The following CNTNAP2 variants were observed in gnomAD, a reference collection of about 807,000 sequenced individuals.
CNTNAP2 encodes contactin associated protein 2, also known as contactin-associated protein-like 2.
Under a neutral mutation model 155.2 loss-of-function variants are expected in CNTNAP2, and 98 were observed. That is an observed-to-expected ratio of 0.63 (90% CI 0.54 to 0.75). The LOEUF (loss-of-function observed/expected upper bound fraction) is 0.75, where lower values mean the gene tolerates loss of function less well. CNTNAP2 is among the 30% of genes least tolerant of loss of function. The pLI is 0.00. For missense variants in CNTNAP2, 1,727 were observed against 1,688.1 expected (o/e 1.02, Z -0.40); for synonymous variants, 651 against 631.2 (o/e 1.03, Z -0.47).
At chr7:147,769,374 G>A (rs1198953683) in intron 13 of CNTNAP2, among the ~76,000 whole-genome samples, 1 of 151,988 alleles carries the variant, frequency 6.6e-6, no homozygotes, top group Non-Finnish European at 1.5e-5. Context: ...AAGGTGTCTG[G>A]AATAACTTTC....
At chr7:146,303,064 TTGTGTGCATG>T (rs958454327) in intron 1 of CNTNAP2, among the ~76,000 whole-genome samples, 1 of 138,830 alleles carries the variant, frequency 7.2e-6, no homozygotes, top group South Asian at 2.2e-4. Flanking sequence ...AGGTACACCT[TTGTGTGCATG>T]TGTGTGTGTG....
chr7:146,940,967 T>C (rs1208592543), intron 3 of CNTNAP2, among the ~76,000 whole-genome samples: 1 of 152,138 alleles, frequency 6.6e-6, no homozygotes, highest in Non-Finnish European at 1.5e-5. Flanking sequence ...TCTGGTTTAA[T>C]TCTAGCTATT....
intron 12 of CNTNAP2, among the ~76,000 whole-genome samples, chr7:147,579,325 T>C (rs957706503): frequency 2.0e-5 from 3 of 152,194 alleles, no homozygotes; most frequent in Admixed American, 6.6e-5. Flanking sequence ...GTTAATGTAT[T>C]TACTTAACCA....
chr7:146,268,403 C>A (rs1800028145), intron 1 of CNTNAP2, among the ~76,000 whole-genome samples: 1 of 152,106 alleles, frequency 6.6e-6, no homozygotes, highest in Non-Finnish European at 1.5e-5. Flanking sequence ...GTTAACTAAC[C>A]AATTGGAGGT....
intron 1 of CNTNAP2, among the ~76,000 whole-genome samples, chr7:146,626,016 A>C (rs1303316421): frequency 6.6e-6 from 1 of 152,072 alleles, no homozygotes; most frequent in African/African-American, 2.4e-5. Context: ...ATCATTTCTC[A>C]TTTCTTCTGA....
At chr7:146,775,685 AAG>A (rs1330469244) in intron 2 of CNTNAP2, among the ~76,000 whole-genome samples, 9 of 151,772 alleles carry the variant, frequency 5.9e-5, no homozygotes, top group African/African-American at 2.2e-4. Context: ...GAAGAAAATA[AAG>A]AGAGGGAGAA....
At chr7:147,375,577 T>C (rs2116921980) in intron 9 of CNTNAP2, among the ~76,000 whole-genome samples, 2 of 152,130 alleles carry the variant, frequency 1.3e-5, no homozygotes, top group Middle Eastern at 6.8e-3. Flanking sequence ...CCAAGTTTTA[T>C]CTTCTATACC....
At chr7:147,551,584 C>T (rs963511452) in intron 11 of CNTNAP2, among the ~76,000 whole-genome samples, 11 of 152,188 alleles carry the variant, frequency 7.2e-5, no homozygotes, top group Admixed American at 4.6e-4. Context: ...AACAAGCCTA[C>T]ATTTATATAA....
At chr7:147,117,763 C>T (rs1287941643) in intron 5 of CNTNAP2, among the ~76,000 whole-genome samples, 3 of 152,104 alleles carry the variant, frequency 2.0e-5, no homozygotes, top group Non-Finnish European at 4.4e-5. Context: ...TGCAACTTCA[C>T]TTAGGCTATT....
rs572723023 is a variant in CNTNAP2 at position 146,695,192 on chromosome 7, T to C, written c.98-79079T>C. ...AGGGGGAAAGCATCCAGTTTCACAC[T>C]GTTTGCTATGATATTAACTACAAAA... is the stretch of plus-strand genomic sequence containing the variant. On this transcript the variant is annotated intron_variant, in intron 1 of 23. Transcript: ENST00000361727. 2.6e-5 allele frequency among the ~76,000 whole-genome samples: 4 copies of C among 152,290 alleles called. No individual in the cohort carries two copies. In the East Asian group the frequency reaches 7.7e-4, roughly 29 times the overall value.
At chr7:147,852,595 A>G (rs1340466009) in intron 13 of CNTNAP2, among the ~76,000 whole-genome samples, 1 of 152,162 alleles carries the variant, frequency 6.6e-6, no homozygotes, top group East Asian at 1.9e-4. Context: ...CATTTTTTGC[A>G]TTTTCTAGTT....
At chr7:148,257,884 A>T (rs4726938) in intron 20 of CNTNAP2, among the ~76,000 whole-genome samples, 6 of 151,878 alleles carry the variant, frequency 4.0e-5, no homozygotes, top group Non-Finnish European at 8.8e-5. Flanking sequence ...TACAAACAGA[A>T]GTTCTAATGG....
At chr7:146,677,281 A>G (rs1268328691) in intron 1 of CNTNAP2, among the ~76,000 whole-genome samples, 1 of 152,196 alleles carries the variant, frequency 6.6e-6, no homozygotes, top group Non-Finnish European at 1.5e-5. Context: ...GTTATTATCT[A>G]AAGACCTGGA....
At chr7:147,763,066 C>T (rs973791457) in intron 13 of CNTNAP2, among the ~76,000 whole-genome samples, 2 of 151,944 alleles carry the variant, frequency 1.3e-5, no homozygotes, top group Non-Finnish European at 2.9e-5. Flanking sequence ...CGAGACCAGC[C>T]TGACTAACAT....
chr7:148,227,340 GGCA>G (rs1163584428), intron 19 of CNTNAP2, among the ~76,000 whole-genome samples: 4 of 152,150 alleles, frequency 2.6e-5, no homozygotes, highest in African/African-American at 9.7e-5. Flanking sequence ...CGGGTTTGGA[GGCA>G]GCAAGTGTAC....
intron 1 of CNTNAP2, among the ~76,000 whole-genome samples, chr7:146,617,762 TA>T (rs1799250463): frequency 6.6e-6 from 1 of 152,144 alleles, no homozygotes; most frequent in Non-Finnish European, 1.5e-5. Flanking sequence ...TGAAACAAAA[TA>T]TTTTTTTAAA....
At chr7:147,723,080 G>T (rs1328653167) in intron 13 of CNTNAP2, among the ~76,000 whole-genome samples, 1 of 151,978 alleles carries the variant, frequency 6.6e-6, no homozygotes, top group African/African-American at 2.4e-5. Context: ...GAAATGAAGT[G>T]ACTTCTCAAA....
intron 3 of CNTNAP2, among the ~76,000 whole-genome samples, chr7:146,856,806 T>A (rs1794999225): frequency 6.6e-6 from 1 of 152,084 alleles, no homozygotes; most frequent in South Asian, 2.1e-4. Context: ...TTGAAGAATA[T>A]TCTATGAGGA....
chr7:147,486,011 A>G lies in CNTNAP2; in HGVS notation c.1747A>G (p.Thr583Ala), dbSNP rs774336552. ...WDSFKCTCDE[T>A]GYSGATCHNS... Reference sequence around the variant, plus strand: ...CAGCTTCAAATGCACTTGTGATGAGACAGGATACAGTGGGGCCACCTGCCA... The same window carrying G: ...CAGCTTCAAATGCACTTGTGATGAGGCAGGATACAGTGGGGCCACCTGCCA... The change falls in exon 11 of 24, where the codon ACA becomes GCA. Residue 583 changes from threonine to alanine, a missense_variant. Transcript: ENST00000361727. 1 of 1,614,094 alleles carries G rather than the reference A, an allele frequency of 6.2e-7. No individual in the cohort carries two copies. Among genetic ancestry groups the G allele is most frequent in the South Asian group, 1.1e-5 (1 of 91,084 alleles).
Sources: allele counts gnomAD v4.1 joint callset (sites outside exome capture counted in the v4.1 genomes callset), GRCh38; gene constraint gnomAD v4.1.1; transcripts MANE v1.5; gene names NCBI Gene and HGNC (gene_info 2026-07-23, HGNC 2026-07-21).